Variants in DENND5A observed in about 807,000 individuals in gnomAD.
DENND5A encodes the protein DENN domain-containing protein 5A.
DENND5A carries 64 observed loss-of-function variants against 140.3 expected under a neutral mutation model. The ratio of observed to expected loss-of-function variants is 0.46; its 90% CI spans 0.37 to 0.56. The LOEUF (loss-of-function observed/expected upper bound fraction) is 0.56. Ranked by LOEUF, DENND5A falls within the 20% of genes least tolerant of loss-of-function variation. DENND5A has a pLI of 0.00. For missense variants in DENND5A, 1,292 were observed against 1,593.8 expected (o/e 0.81, Z 3.22); for synonymous variants, 605 against 607.7 (o/e 1.00, Z 0.07).
intron 8 of DENND5A, 55 bp downstream of exon 8, chr11:9,178,077 C>CCAT: frequency 1.7e-6 from 2 of 1,202,426 alleles, no homozygotes; most frequent in Non-Finnish European, 2.5e-6. Flanking sequence ...GGAAAAGGGA[C>CCAT]ATGTTAATGC....
At chr11:9,217,286 G>C (rs1291141336) in intron 1 of DENND5A, among the ~76,000 whole-genome samples, 1 of 152,008 alleles carries the variant, frequency 6.6e-6, no homozygotes, top group East Asian at 1.9e-4. Flanking sequence ...AGGCTGAGGC[G>C]GGTGATCACC....
At chr11:9,144,504 C>T (rs1260166391) in intron 18 of DENND5A, among the ~76,000 whole-genome samples, 1 of 152,170 alleles carries the variant, frequency 6.6e-6, no homozygotes, top group Non-Finnish European at 1.5e-5. Context: ...AGAAACCCTC[C>T]TTCTGGCTGG....
At chr11:9,210,469 A>G (rs1849839106) in intron 1 of DENND5A, among the ~76,000 whole-genome samples, 1 of 152,212 alleles carries the variant, frequency 6.6e-6, no homozygotes. Flanking sequence ...TTTTTAAAGC[A>G]TACATGCCTT....
intron 3 of DENND5A, 84 bp from the exon 4 acceptor site, chr11:9,204,401 T>C (rs372091412): frequency 5.3e-6 from 7 of 1,322,062 alleles, no homozygotes; most frequent in African/African-American, 2.9e-5. Context: ...TATTTATTTA[T>C]AGAGCACCTA....
chr11:9,205,591 C>T (rs1291993555), intron 3 of DENND5A, among the ~76,000 whole-genome samples: 1 of 152,146 alleles, frequency 6.6e-6, no homozygotes, highest in African/African-American at 2.4e-5. Flanking sequence ...CTACAGAATG[C>T]TATTAAAAAT....
intron 2 of DENND5A, 112 bp downstream of exon 2, chr11:9,207,449 C>CA: frequency 1.3e-6 from 1 of 758,766 alleles, no homozygotes; most frequent in Admixed American, 2.4e-5. Flanking sequence ...ATCTAGTGGT[C>CA]AAAAAAGGCA....
At chr11:9,259,471 C>CT (rs1852095459) in intron 1 of DENND5A, among the ~76,000 whole-genome samples, 1 of 151,920 alleles carries the variant, frequency 6.6e-6, no homozygotes, top group Admixed American at 6.6e-5. Context: ...GAGGCTGAGG[C>CT]AGGAGAATGG....
At position 9,203,943 on chromosome 11, in the gene DENND5A, C is replaced by T. The variant is rs1849605923; in HGVS notation, c.666G>A (p.Val222=). 1 of 1,614,052 alleles carries T rather than the reference C, an allele frequency of 6.2e-7. No individual in the cohort carries two copies. Among genetic ancestry groups the T allele is most frequent in the Non-Finnish European group, 8.5e-7 (1 of 1,180,020 alleles). ...TGACTGCCTGGTGGAGTTGCTCCAG[C>T]ACGCTCCGACATGCCTTCATGAAAG... ...PMSFMKACRS[V]LEQLHQAVTS... The change falls in exon 4 of 23, where the codon GTG becomes GTA. Residue 222 remains valine, a synonymous_variant. Coordinates refer to ENST00000328194, the MANE Select transcript of DENND5A (RefSeq NM_015213.4).
chr11:9,194,386 T>C (rs546041180), intron 4 of DENND5A, among the ~76,000 whole-genome samples: 10 of 152,160 alleles, frequency 6.6e-5, no homozygotes, highest in Middle Eastern at 3.4e-3. Context: ...CCAACCAACA[T>C]GGTGAAACCC....
At chr11:9,166,121 C>T (rs532473623) in intron 10 of DENND5A, among the ~76,000 whole-genome samples, 154 bp from the exon 11 acceptor site, 1 of 151,552 alleles carries the variant, frequency 6.6e-6, no homozygotes, top group African/African-American at 2.4e-5. Context: ...GCTCTGTCGC[C>T]AGGCTGGAGT....
rs569713635 is a variant in DENND5A at position 9,191,330 on chromosome 11, C to T, written c.1137+2164G>A. On this transcript the variant is annotated intron_variant, in intron 5 of 22. Transcript: ENST00000328194. ...CTCGGCTCACTGCAACCTCTGGCTCCGGGCTTCAACAATTCTCCTGCCTCA... is the reference window on the plus strand; with the variant it reads ...CTCGGCTCACTGCAACCTCTGGCTCTGGGCTTCAACAATTCTCCTGCCTCA... Among the ~76,000 whole-genome samples, 493 of 152,210 alleles carry T rather than the reference C, an allele frequency of 3.2e-3. 12 individuals are homozygous for T. The highest frequency in any genetic ancestry group is 4.4e-3 in the Non-Finnish European group (298 of 68,010).
At chr11:9,238,000 C>T (rs77435014) in intron 1 of DENND5A, among the ~76,000 whole-genome samples, 6,458 of 152,268 alleles carry the variant, frequency 0.042, 454 homozygotes, top group African/African-American at 0.15. Flanking sequence ...AAAGAAAAAT[C>T]TTAAATACTC....
intron 1 of DENND5A, among the ~76,000 whole-genome samples, chr11:9,210,282 AAAC>A (rs1484304552): frequency 6.6e-6 from 1 of 152,228 alleles, no homozygotes; most frequent in Non-Finnish European, 1.5e-5. Context: ...ATTGTCCTAG[AAAC>A]AACGACTAAT....
intron 5 of DENND5A, among the ~76,000 whole-genome samples, chr11:9,183,681 G>C (rs1238664302): frequency 6.6e-6 from 1 of 151,984 alleles, no homozygotes; most frequent in Non-Finnish European, 1.5e-5. Flanking sequence ...TACTGGGTGG[G>C]ATCAGGTGTG....
At position 9,139,622 on chromosome 11, in the gene DENND5A, G is replaced by A; in HGVS notation, c.*49C>T. Reference sequence around the variant, plus strand: ...AGTCCCTTTGGGAAAAAAGGTCAGAGCTGCAGGGTGAGTCTTTCTCAGTCC... The same window carrying A: ...AGTCCCTTTGGGAAAAAAGGTCAGAACTGCAGGGTGAGTCTTTCTCAGTCC... On this transcript the variant is annotated 3_prime_UTR_variant, in exon 23 of 23. Transcript: ENST00000328194. The A allele has an allele frequency of 6.4e-7, 1 of 1,573,656 alleles. No homozygotes were observed. Among genetic ancestry groups the A allele is most frequent in the Non-Finnish European group, 8.7e-7 (1 of 1,154,498 alleles).
At chr11:9,234,871 C>T (rs778890267) in intron 1 of DENND5A, among the ~76,000 whole-genome samples, 8 of 152,118 alleles carry the variant, frequency 5.3e-5, no homozygotes, top group Admixed American at 1.3e-4. Flanking sequence ...AATAAAGGCG[C>T]GGGTAAATCT....
chr11:9,199,209 T>A (rs1056541483), intron 4 of DENND5A, among the ~76,000 whole-genome samples: 5 of 151,702 alleles, frequency 3.3e-5, no homozygotes, highest in Non-Finnish European at 7.4e-5. Flanking sequence ...ATATAATTTT[T>A]AAATAAGGCC....
chr11:9,139,742 G>A lies in DENND5A; in HGVS notation c.3793C>T (p.Arg1265Cys), dbSNP rs1262263712. 7 of 1,614,036 alleles carry A rather than the reference G, an allele frequency of 4.3e-6. No homozygotes were observed. Among genetic ancestry groups the A allele is most frequent in the African/African-American group, 1.3e-5 (1 of 75,016 alleles). Reference sequence around the variant, plus strand: ...AACTCCTGCAATGTCTGCAGCACACGAATCAAGGAATTGACAAGTGTATGG... The same window carrying A: ...AACTCCTGCAATGTCTGCAGCACACAAATCAAGGAATTGACAAGTGTATGG... Reference protein sequence around the residue: ...KDHTLVNSLIRVLQTLQEFNI... With the variant: ...KDHTLVNSLICVLQTLQEFNI... Residue 1265 changes from arginine to cysteine, a missense_variant, in exon 23 of 23, where the codon CGT becomes TGT. Around this residue, in one of 4 missense-constraint regions of DENND5A, gnomAD observed 498 missense variants for 689.7 expected, o/e 0.72. Transcript: ENST00000328194.
chr11:9,162,668 C>T (rs1848027772), intron 11 of DENND5A, among the ~76,000 whole-genome samples: 2 of 152,170 alleles, frequency 1.3e-5, no homozygotes, highest in South Asian at 2.1e-4. Context: ...AAATTATTAC[C>T]TATATTTTTA....
Sources: allele counts gnomAD v4.1 joint callset (sites outside exome capture counted in the v4.1 genomes callset), GRCh38; gene constraint gnomAD v4.1.1; regional missense constraint gnomAD v4.1.1; transcripts MANE v1.5; gene names NCBI Gene and HGNC (gene_info 2026-07-23, HGNC 2026-07-21).